Variants in TAC1 observed in about 807,000 individuals in gnomAD.
TAC1 encodes protachykinin-1.
In TAC1, 12 loss-of-function variants were observed where a neutral mutation model predicts 21.7. The ratio of observed to expected loss-of-function variants is 0.55; its 90% CI spans 0.35 to 0.89. The LOEUF (loss-of-function observed/expected upper bound fraction) is 0.89, where lower values mean the gene tolerates loss of function less well. Ranked by LOEUF, TAC1 falls within the 40% of genes least tolerant of loss-of-function variation. The pLI, the probability that TAC1 is intolerant of heterozygous loss-of-function variation, is 0.01. For missense variants in TAC1, 128 were observed against 151.4 expected, an observed-to-expected ratio of 0.85 and a Z score of 0.81; for synonymous variants, 52 against 52.0, an observed-to-expected ratio of 1.00 and a Z score of 0.00.
At position 97,739,872 on chromosome 7, in the gene TAC1, A is replaced by C; in HGVS notation, c.344-2A>C. ...AACACTTTATCTCTTCTTTGTTTTC[A>C]GTGGCTTATGAAAGGAGTGCAATGC... On this transcript the variant is annotated splice_acceptor_variant, in intron 6 of 6. Transcript: ENST00000319273. LOFTEE classifies it high-confidence loss of function. The C allele has an allele frequency of 6.2e-7, 1 of 1,604,414 alleles. No individual in the cohort carries two copies. The highest frequency in any genetic ancestry group is 2.2e-5 in the East Asian group (1 of 44,494).
intron 6 of TAC1, among the ~76,000 whole-genome samples, chr7:97,738,636 TTATTG>T (rs147412956): frequency 0.19 from 29,085 of 151,804 alleles, 3,388 homozygotes; most frequent in Non-Finnish European, 0.27. Context: ...AATATGCAGC[TTATTG>T]TTAACCGCAC....
intron 6 of TAC1, among the ~76,000 whole-genome samples, chr7:97,738,173 T>C (rs1172424198): frequency 6.6e-6 from 1 of 152,004 alleles, no homozygotes; most frequent in Non-Finnish European, 1.5e-5. Flanking sequence ...TCAGGGATCT[T>C]TTTATGTACC....
At chr7:97,733,948 C>A in intron 3 of TAC1, 129 bp downstream of exon 3, 1 of 976,612 alleles carries the variant, frequency 1.0e-6, no homozygotes, top group Non-Finnish European at 1.5e-6. Flanking sequence ...ATTCCCCAGG[C>A]GCGACATTGG....
chr7:97,739,511 A>G (rs1789653267), intron 6 of TAC1, among the ~76,000 whole-genome samples: 1 of 152,028 alleles, frequency 6.6e-6, no homozygotes, highest in African/African-American at 2.4e-5. Context: ...TTTGGTTTTT[A>G]TCCTACTAGT....
intron 4 of TAC1, 145 bp from the exon 5 acceptor site, chr7:97,734,681 A>C (rs1789542283): frequency 1.1e-5 from 7 of 662,702 alleles, no homozygotes. Flanking sequence ...TTTGTTTAGC[A>C]TTTATGGTTC....
In TAC1 at chr7:97,732,344, G is replaced by A. The variant is rs1433026289; in HGVS notation, c.-10+149G>A. 3.4e-6 allele frequency: 1 copy of A among 291,296 alleles called. No individual in the cohort carries two copies. Among genetic ancestry groups the A allele is most frequent in the Non-Finnish European group, 6.4e-6 (1 of 155,406 alleles). The allele number at this position is 291,296 out of a possible 1,614,324, so 18.0% of individuals were successfully genotyped here. ...CAACGCCCCTCTTTGTCTTCCACCT[G>A]CAGAGTTTCCTGGTTTGAAGGTGTG... is the stretch of plus-strand genomic sequence containing the variant. On this transcript the variant is annotated intron_variant, in intron 1 of 6. Transcript: ENST00000319273. The surrounding 1 kb of genome is among the most constrained non-coding windows in gnomAD (Gnocchi z 6.2).
In TAC1 at chr7:97,734,808, A is replaced by G; in HGVS notation, c.266-18A>G. On this transcript the variant is annotated intron_variant, in intron 4 of 6. Transcript: ENST00000319273. Reference sequence around the variant, plus strand: ...AAAACAAATCTATATGTGTTTGCTAATTTTATCTTTCTTCTAGGACATGGC... The same window carrying G: ...AAAACAAATCTATATGTGTTTGCTAGTTTTATCTTTCTTCTAGGACATGGC... The G allele has an allele frequency of 6.3e-7, 1 of 1,585,870 alleles. No homozygotes were observed. The highest frequency in any genetic ancestry group is 8.6e-7 in the Non-Finnish European group (1 of 1,160,132).
At chr7:97,739,091 G>C (rs1168917657) in intron 6 of TAC1, among the ~76,000 whole-genome samples, 1 of 148,214 alleles carries the variant, frequency 6.7e-6, no homozygotes, top group East Asian at 2.0e-4. Context: ...AAATACCTTT[G>C]GAAGCAATAA....
intron 6 of TAC1, among the ~76,000 whole-genome samples, chr7:97,737,871 T>TTTTGTATTGATA (rs1789612058): frequency 2.0e-5 from 3 of 152,034 alleles, no homozygotes; most frequent in Non-Finnish European, 4.4e-5. Flanking sequence ...TACATACTAG[T>TTTTGTATTGATA]CCTCACTTAA....
intron 5 of TAC1, 138 bp downstream of exon 5, chr7:97,734,987 A>G (rs1789548845): frequency 1.3e-5 from 8 of 623,132 alleles, no homozygotes; most frequent in South Asian, 5.1e-5. Context: ...AGAATGGGGG[A>G]GATTCATATT....
chr7:97,740,021 A>T lies in TAC1; in HGVS notation c.*101A>T, dbSNP rs1789669208. ...GAGGAATAATTATTTATTTAATAAC[A>T]ATTGTTTGGGGTTGAAAATTCAAAA... On this transcript the variant is annotated 3_prime_UTR_variant, in exon 7 of 7. Transcript: ENST00000319273. 1 of 859,230 alleles carries T rather than the reference A, an allele frequency of 1.2e-6. No homozygotes were observed. The allele number at this position is 859,230 out of a possible 1,614,324, so 53.2% of individuals were successfully genotyped here. A position where few individuals can be genotyped will look rare whatever the true frequency, so the allele number is the denominator to read the frequency against.
intron 3 of TAC1, 182 bp from the exon 4 acceptor site, chr7:97,734,066 G>T: frequency 1.4e-6 from 1 of 694,956 alleles, no homozygotes; most frequent in South Asian, 1.9e-5. Context: ...GATCCAAACT[G>T]ACAAAGGGAA....
chr7:97,737,529 G>A (rs780821374), intron 6 of TAC1, among the ~76,000 whole-genome samples: 10 of 151,800 alleles, frequency 6.6e-5, no homozygotes, highest in South Asian at 2.1e-4. Context: ...TCTGGGCTAC[G>A]GCAGAAGCCA....
At position 97,733,519 on chromosome 7, in the gene TAC1, A is replaced by G. The variant is rs1178531455; in HGVS notation, c.124-204A>G. On this transcript the variant is annotated intron_variant, in intron 2 of 6. Transcript: ENST00000319273. ...GAGCCAGCTGCTAACTCGCCCTGGC[A>G]GGCTTGCGGGGGGCGGGACGCGAGT... is the stretch of plus-strand genomic sequence containing the variant. Among the ~76,000 whole-genome samples, 8 of 152,144 alleles carry G rather than the reference A, an allele frequency of 5.3e-5. No individual in the cohort carries two copies. In the South Asian group the frequency reaches 1.7e-3, roughly 32 times the overall value.
In TAC1 at chr7:97,739,906, G is replaced by A; in HGVS notation, c.376G>A (p.Glu126Lys). The change falls in exon 7 of 7, where the codon GAA (glutamate) becomes AAA (lysine). Residue 126 changes from glutamate (E) to lysine (K), a missense_variant. Physicochemically the swap from Glu to Lys is moderately conservative, Grantham distance 56. Transcript: ENST00000319273. ...TGAAAGGAGTGCAATGCAGAATTAT[G>A]AAAGAAGACGTTAATAAACTACCTA... ...AYERSAMQNY[E>K]RRR is the part of the protein sequence containing the mutation. The A allele has an allele frequency of 6.2e-7, 1 of 1,603,386 alleles. No individual in the cohort carries two copies. Among genetic ancestry groups the A allele is most frequent in the Non-Finnish European group, 8.5e-7 (1 of 1,175,142 alleles).
chr7:97,734,872 A>G, intron 5 of TAC1, 23 bp downstream of exon 5: 1 of 1,530,308 alleles, frequency 6.5e-7, no homozygotes, highest in Non-Finnish European at 9.0e-7. Context: ...TTATTTTGAC[A>G]TTTATCAAAT....
rs1330449062 is a variant in TAC1, at chr7:97,732,891, C to A, written c.123+156C>A. On this transcript the variant is annotated intron_variant, in intron 2 of 6. Transcript: ENST00000319273. The surrounding 1 kb of genome is among the most constrained non-coding windows in gnomAD (Gnocchi z 6.2). ...GAGGATGGAAAGGGGCACTATTTCC[C>A]GGGTTCCCCACGGGATTTTGTGCCC... 35 of 1,023,286 alleles carry A rather than the reference C, an allele frequency of 3.4e-5. 1 individual carries two copies. The highest frequency in any genetic ancestry group is 4.3e-5 in the Non-Finnish European group (31 of 723,770). 63.4% of individuals were successfully genotyped at this position (1,023,286 alleles called of 1,614,324 possible).
chr7:97,735,615 A>G (rs2066673731), intron 5 of TAC1, among the ~76,000 whole-genome samples: 1 of 152,170 alleles, frequency 6.6e-6, no homozygotes, highest in African/African-American at 2.4e-5. Context: ...ATTCTCAACT[A>G]TTAAAATAAA....
Position 97,732,494 on chromosome 7 carries a change from G to T in TAC1, c.-9-110G>T. On this transcript the variant is annotated intron_variant, in intron 1 of 6. Coordinates refer to ENST00000319273, the MANE Select transcript of TAC1 (RefSeq NM_003182.3). This position sits in a 1 kb window ranked among gnomAD's most constrained non-coding sequence, Gnocchi z 6.2. ...CTTCAGTCCTTATGTTTTTGATCTT[G>T]GTTCATCCGTTGTGGGGCAGAAAAT... is the stretch of plus-strand genomic sequence containing the variant. 2.3e-6 allele frequency: 3 copies of T among 1,287,092 alleles called. No individual in the cohort carries two copies. Among genetic ancestry groups the T allele is most frequent in the Non-Finnish European group, 3.3e-6 (3 of 916,422 alleles). The allele number at this position is 1,287,092 out of a possible 1,614,324, so 79.7% of individuals were successfully genotyped here.
Sources: gnomAD v4.1 joint callset for allele counts (sites outside exome capture counted in the v4.1 genomes callset) on GRCh38, gnomAD v4.1.1 for gene constraint, Gnocchi (gnomAD v3.1) non-coding constraint, MANE v1.5 for transcripts, NCBI Gene and HGNC (gene_info 2026-07-23, HGNC 2026-07-21) for gene names.